STK38: variants seen among roughly 807,000 people sequenced by gnomAD.
The protein encoded by STK38 is serine/threonine kinase 38.
A neutral mutation model predicts 59.0 loss-of-function variants in STK38; 26 were observed. The observed-to-expected ratio is 0.44, with a 90% CI of 0.32 to 0.61. STK38 has a LOEUF of 0.61. STK38 is among the 20% of genes least tolerant of loss of function. The pLI is 0.04. For missense variants in STK38, 433 were observed against 566.0 expected (o/e 0.76, Z 2.38); for synonymous variants, 175 against 176.6 (o/e 0.99, Z 0.07).
intron 13 of STK38, 110 bp downstream of exon 13, chr6:36,496,601 G>T: frequency 3.7e-6 from 3 of 805,732 alleles, no homozygotes; most frequent in Non-Finnish European, 2.1e-6. Flanking sequence ...AGAACCTGAA[G>T]AAATGAAATT....
chr6:36,531,276 AC>A (rs1022100340), intron 2 of STK38, among the ~76,000 whole-genome samples: 14 of 152,308 alleles, frequency 9.2e-5, no homozygotes, highest in African/African-American at 3.1e-4. Context: ...TGTATGAAAG[AC>A]TTTGTTTGAT....
chr6:36,522,592 C>T (rs1026922686), intron 4 of STK38: 2 of 152,052 alleles, frequency 1.3e-5, no homozygotes, highest in Non-Finnish European at 2.9e-5. Flanking sequence ...CGCGGTAGCT[C>T]ACACCTATAA....
rs540673112 is a variant in STK38 at position 36,535,651 on chromosome 6, G to A, written c.131+4421C>T. ...CCAAAACTTTGGGAGGCCAAGGCGG[G>A]TGGATCATGAAGTCAGGAGATCGAG... is the stretch of plus-strand genomic sequence containing the variant. On this transcript the variant is annotated intron_variant, in intron 2 of 13. Coordinates refer to ENST00000229812, the MANE Select transcript of STK38 (RefSeq NM_007271.4). 1.4e-3 allele frequency among the ~76,000 whole-genome samples: 212 copies of A among 152,116 alleles called. 1 individual carries two copies. Among genetic ancestry groups the A allele is most frequent in the Non-Finnish European group, 2.4e-3 (161 of 68,002 alleles).
chr6:36,517,506 A>G (rs1241151082), intron 6 of STK38, among the ~76,000 whole-genome samples: 1 of 152,222 alleles, frequency 6.6e-6, no homozygotes, highest in African/African-American at 2.4e-5. Context: ...AATCATGTAA[A>G]TGAATTAACA....
At chr6:36,519,032 C>T (rs1007020817) in intron 5 of STK38, among the ~76,000 whole-genome samples, 1 of 152,108 alleles carries the variant, frequency 6.6e-6, no homozygotes, top group African/African-American at 2.4e-5. Context: ...ATTTCAACAC[C>T]CTCTCCCCTG....
At chr6:36,542,780 T>C (rs1296379396) in intron 1 of STK38, among the ~76,000 whole-genome samples, 1 of 151,908 alleles carries the variant, frequency 6.6e-6, no homozygotes, top group African/African-American at 2.4e-5. Context: ...ACCCCGTCTC[T>C]ACTAAAAACA....
intron 2 of STK38, among the ~76,000 whole-genome samples, chr6:36,536,544 T>A (rs1481275724): frequency 6.6e-6 from 1 of 152,030 alleles, no homozygotes; most frequent in Non-Finnish European, 1.5e-5. Context: ...TTAATTTTAT[T>A]TTTTTTGAGA....
chr6:36,522,855 CAAAAAAAAAA>C (rs1200049731), intron 4 of STK38, among the ~76,000 whole-genome samples: 3 of 66,568 alleles, frequency 4.5e-5, no homozygotes, highest in Non-Finnish European at 9.9e-5. Context: ...GACTCTGTCT[CAAAAAAAAAA>C]AAAAAAAAAA....
At chr6:36,539,745 A>ATT (rs55784149) in intron 2 of STK38, among the ~76,000 whole-genome samples, 13,000 of 131,180 alleles carry the variant, frequency 0.099, 856 homozygotes, top group African/African-American at 0.17. Context: ...ATTGGGCCTA[A>ATT]TTTTTTTTTT....
At chr6:36,543,540 T>C (rs1304540477) in intron 1 of STK38, among the ~76,000 whole-genome samples, 1 of 151,840 alleles carries the variant, frequency 6.6e-6, no homozygotes, top group Non-Finnish European at 1.5e-5. Flanking sequence ...AGCCCAGGAG[T>C]TCATGAGTCC....
chr6:36,498,231 C>T lies in STK38; in HGVS notation c.1076+132G>A, dbSNP rs567576957. The T allele has an allele frequency of 7.7e-5, 100 of 1,298,734 alleles. No homozygotes were observed. The Admixed American group carries it at 1.8e-3, about 23-fold the overall frequency. 80.5% of individuals were successfully genotyped at this position (1,298,734 alleles called of 1,614,324 possible). A position where few individuals can be genotyped will look rare whatever the true frequency, so the allele number is the denominator to read the frequency against. On this transcript the variant is annotated intron_variant, in intron 11 of 13. Transcript: ENST00000229812. ...ATAGGCGTAAGCCACCATGCACAGC[C>T]TTTTTATTTGTTTAAAGAGAGGAAT... is the stretch of plus-strand genomic sequence containing the variant.
intron 2 of STK38, among the ~76,000 whole-genome samples, chr6:36,534,840 GAA>G (rs756142387): frequency 1.4e-4 from 17 of 119,346 alleles, no homozygotes; most frequent in African/African-American, 4.0e-4. Flanking sequence ...CTAAGGCAAG[GAA>G]AAAAAAAAAA....
chr6:36,535,870 G>A (rs1172426295), intron 2 of STK38, among the ~76,000 whole-genome samples: 7 of 125,472 alleles, frequency 5.6e-5, no homozygotes, highest in Non-Finnish European at 7.9e-5. Context: ...GCAAGACTCC[G>A]TCTCAAAAAA....
intron 2 of STK38, among the ~76,000 whole-genome samples, chr6:36,526,720 C>G (rs941698160): frequency 6.6e-6 from 1 of 151,748 alleles, no homozygotes; most frequent in East Asian, 1.9e-4. Flanking sequence ...CATGGTGAAA[C>G]CTGGTCTGTA....
intron 7 of STK38, among the ~76,000 whole-genome samples, chr6:36,514,713 G>A (rs559612463): frequency 6.6e-6 from 1 of 151,592 alleles, no homozygotes; most frequent in Non-Finnish European, 1.5e-5. Context: ...GGGGCGTGGT[G>A]GTGCATGCCT....
chr6:36,541,931 C>T lies in STK38; in HGVS notation c.-5-1724G>A, dbSNP rs796758866. ...GGAACCTCTGCCTCCCAGGTTCAAG[C>T]GATTCTCGTGTCTCAGCCTCCCAAG... is the stretch of plus-strand genomic sequence containing the variant. On this transcript the variant is annotated intron_variant, in intron 1 of 13. Transcript: ENST00000229812. Among the ~76,000 whole-genome samples the T allele has an allele frequency of 4.0e-5, 6 of 151,434 alleles. No individual in the cohort carries two copies. The East Asian group carries it at 5.8e-4, about 15-fold the overall frequency.
rs573528323 is a variant in STK38 at position 36,505,881 on chromosome 6, A to G, written c.834+702T>C. On this transcript the variant is annotated intron_variant, in intron 9 of 13. Coordinates refer to ENST00000229812, the MANE Select transcript of STK38 (RefSeq NM_007271.4). ...CTTTCCAGTAACTGGACACTGGAACATGTACACTGAACTTCAAACATGAAC... is the reference window on the plus strand; with the variant it reads ...CTTTCCAGTAACTGGACACTGGAACGTGTACACTGAACTTCAAACATGAAC... Among the ~76,000 whole-genome samples the G allele has an allele frequency of 1.2e-3, 186 of 152,334 alleles. 1 individual carries two copies. Among genetic ancestry groups the G allele is most frequent in the African/African-American group, 3.9e-3 (164 of 41,580 alleles).
intron 1 of STK38, among the ~76,000 whole-genome samples, chr6:36,545,601 C>T (rs1286733192): frequency 6.6e-6 from 1 of 152,102 alleles, no homozygotes; most frequent in Non-Finnish European, 1.5e-5. Flanking sequence ...TTCTAATATC[C>T]TTTAATCAAA....
At chr6:36,496,944 A>G in intron 12 of STK38, 139 bp from the exon 13 acceptor site, 2 of 604,358 alleles carry the variant, frequency 3.3e-6, no homozygotes, top group Middle Eastern at 8.7e-4. Context: ...TTCTCTGAAA[A>G]ACTTATAAAC....
Sources: gnomAD v4.1 joint callset for allele counts (sites outside exome capture counted in the v4.1 genomes callset) on GRCh38, gnomAD v4.1.1 for gene constraint, MANE v1.5 for transcripts, NCBI Gene and HGNC (gene_info 2026-07-23, HGNC 2026-07-21) for gene names.